Variants in ZNF385B observed in about 807,000 individuals in gnomAD.
ZNF385B encodes zinc finger protein 385B.
ZNF385B carries 23 observed loss-of-function variants against 39.2 expected under a neutral mutation model. The observed-to-expected ratio is 0.59, with a 90% CI of 0.42 to 0.83. The LOEUF (loss-of-function observed/expected upper bound fraction) is 0.83, where lower values mean the gene tolerates loss of function less well. Among genes scored for constraint, ZNF385B ranks in the 40% least tolerant of loss-of-function variants. The probability of loss-of-function intolerance (pLI) is 0.00; values close to 1 mark genes in which losing one functional copy is unlikely to be tolerated. For synonymous variants in ZNF385B, 205 were observed against 222.6 expected (o/e 0.92, Z 0.70); for missense variants, 552 against 598.9 (o/e 0.92, Z 0.82).
intron 3 of ZNF385B, among the ~76,000 whole-genome samples, chr2:179,734,964 G>A (rs1363036366): frequency 6.6e-6 from 1 of 151,990 alleles, no homozygotes; most frequent in Non-Finnish European, 1.5e-5. Context: ...TCAGGACATA[G>A]GCATGGGCAA....
At chr2:179,555,805 TA>T (rs1159196903) in intron 3 of ZNF385B, among the ~76,000 whole-genome samples, 2 of 149,294 alleles carry the variant, frequency 1.3e-5, no homozygotes, top group Non-Finnish European at 3.0e-5. Flanking sequence ...TCTGAGTCTA[TA>T]AAATCTAACA....
intron 4 of ZNF385B, among the ~76,000 whole-genome samples, chr2:179,529,207 C>T (rs1477144426): frequency 6.6e-6 from 1 of 152,130 alleles, no homozygotes; most frequent in East Asian, 1.9e-4. Context: ...TAAAGAAGCC[C>T]AGACCACCCT....
intron 3 of ZNF385B, among the ~76,000 whole-genome samples, chr2:179,656,247 G>A (rs576234463): frequency 7.9e-5 from 12 of 152,048 alleles, no homozygotes; most frequent in African/African-American, 2.9e-4. Context: ...TTATACAGTA[G>A]GCAATTTGCA....
intron 3 of ZNF385B, among the ~76,000 whole-genome samples, chr2:179,682,177 G>A (rs1266917012): frequency 1.3e-5 from 2 of 152,136 alleles, no homozygotes; most frequent in Non-Finnish European, 2.9e-5. Context: ...TGCATCAGTA[G>A]GACCTGCTTT....
chr2:179,817,853 A>C (rs567916195), intron 1 of ZNF385B, among the ~76,000 whole-genome samples: 1 of 152,254 alleles, frequency 6.6e-6, no homozygotes, highest in African/African-American at 2.4e-5. Flanking sequence ...CAATCTGAGA[A>C]AGAGAAAGTT....
Position 179,769,525 on chromosome 2 carries a change from G to A in ZNF385B, c.276C>T (p.Ser92=). The part of the protein sequence containing the change: ...DGQPPPPAQA[S]PSSNSSTGST... ...TACCTGTGCTGCTGTTGCTGCTGGGGCTGGCCTGGGCGGGTGGTGGGGGCT... is the reference window on the plus strand; with the variant it reads ...TACCTGTGCTGCTGTTGCTGCTGGGACTGGCCTGGGCGGGTGGTGGGGGCT... The change falls in exon 3 of 10, where the codon AGC becomes AGT. Residue 92 remains serine, a synonymous_variant. Transcript: ENST00000410066. The A allele has an allele frequency of 6.2e-7, 1 of 1,613,896 alleles. No homozygotes were observed. The highest frequency in any genetic ancestry group is 8.5e-7 in the Non-Finnish European group (1 of 1,179,962).
At chr2:179,758,717 C>A (rs574104584) in intron 3 of ZNF385B, among the ~76,000 whole-genome samples, 36 of 152,280 alleles carry the variant, frequency 2.4e-4, no homozygotes, top group African/African-American at 8.4e-4. Flanking sequence ...GAGGGGTCTA[C>A]TGGTAAGAAT....
At chr2:179,782,757 T>C (rs573421148) in intron 1 of ZNF385B, among the ~76,000 whole-genome samples, 1 of 152,244 alleles carries the variant, frequency 6.6e-6, no homozygotes, top group Admixed American at 6.5e-5. Context: ...TTAAAATATC[T>C]AGGAATACCT....
chr2:179,849,552 G>C (rs1178583897), intron 1 of ZNF385B, among the ~76,000 whole-genome samples: 1 of 152,174 alleles, frequency 6.6e-6, no homozygotes, highest in African/African-American at 2.4e-5. Context: ...TAAGCAATTA[G>C]GATGTGATTA....
intron 3 of ZNF385B, among the ~76,000 whole-genome samples, chr2:179,708,629 T>C (rs1433308081): frequency 7.2e-5 from 11 of 152,196 alleles, no homozygotes; most frequent in Admixed American, 7.2e-4. Flanking sequence ...TGGAAATTGA[T>C]AACTTATCAA....
chr2:179,495,616 G>C (rs113054720), intron 5 of ZNF385B, among the ~76,000 whole-genome samples: 1 of 152,194 alleles, frequency 6.6e-6, no homozygotes, highest in Non-Finnish European at 1.5e-5. Flanking sequence ...GGCCACACGG[G>C]TGCTTGTCAT....
chr2:179,613,066 A>C (rs1689428094), intron 3 of ZNF385B, among the ~76,000 whole-genome samples: 1 of 152,192 alleles, frequency 6.6e-6, no homozygotes, highest in Non-Finnish European at 1.5e-5. Flanking sequence ...TGTTCACTCA[A>C]ATCTTAAGAG....
chr2:179,602,982 T>G (rs1688525886), intron 3 of ZNF385B, among the ~76,000 whole-genome samples: 1 of 152,236 alleles, frequency 6.6e-6, no homozygotes, highest in South Asian at 2.1e-4. Context: ...CCTCTAAAGA[T>G]CAATATAATT....
In ZNF385B at chr2:179,861,470, C is replaced by G. The variant is rs1478711110; in HGVS notation, c.-524G>C. ...CCCGGCCCCGCCGCACGCCCGCCCC[C>G]CTGGCCTGGCCGAGGACCCCGGGGT... On this transcript the variant is annotated 5_prime_UTR_variant, in exon 1 of 10. Coordinates refer to ENST00000410066, the MANE Select transcript of ZNF385B (RefSeq NM_152520.6). 10 of 152,242 alleles carry G rather than the reference C, an allele frequency of 6.6e-5. No individual in the cohort carries two copies. The East Asian group carries it at 1.4e-3, about 21-fold the overall frequency. The allele number at this position is 152,242 out of a possible 1,614,324, so 9.4% of individuals were successfully genotyped here.
At chr2:179,583,270 G>A (rs562172398) in intron 3 of ZNF385B, among the ~76,000 whole-genome samples, 60 of 152,166 alleles carry the variant, frequency 3.9e-4, no homozygotes, top group African/African-American at 1.4e-3. Flanking sequence ...AGTCATCAAA[G>A]CAATCCTGTA....
intron 3 of ZNF385B, among the ~76,000 whole-genome samples, chr2:179,563,825 T>G (rs879923143): frequency 6.6e-6 from 1 of 152,128 alleles, no homozygotes; most frequent in Non-Finnish European, 1.5e-5. Context: ...CTATGATAGC[T>G]CTCCCCTAAG....
intron 3 of ZNF385B, among the ~76,000 whole-genome samples, chr2:179,663,845 C>A (rs1035498797): frequency 6.6e-6 from 1 of 151,432 alleles, no homozygotes; most frequent in Non-Finnish European, 1.5e-5. Flanking sequence ...AGTTCTCATA[C>A]AGTCATTGTA....
chr2:179,739,014 C>A (rs1393743473), intron 3 of ZNF385B, among the ~76,000 whole-genome samples: 1 of 152,130 alleles, frequency 6.6e-6, no homozygotes, highest in Admixed American at 6.5e-5. Context: ...TAGTCTAGGG[C>A]ACTGGTTAAA....
chr2:179,594,918 C>T (rs1169715778), intron 3 of ZNF385B, among the ~76,000 whole-genome samples: 1 of 151,964 alleles, frequency 6.6e-6, no homozygotes, highest in Non-Finnish European at 1.5e-5. Flanking sequence ...GCAATCCCTC[C>T]ACCTCAGCAT....
Sources: allele counts gnomAD v4.1 joint callset (sites outside exome capture counted in the v4.1 genomes callset), GRCh38; gene constraint gnomAD v4.1.1; transcripts MANE v1.5; gene names NCBI Gene and HGNC (gene_info 2026-07-23, HGNC 2026-07-21).